The following CACNB4 variants were observed in gnomAD, a reference collection of about 807,000 sequenced individuals.
CACNB4 encodes voltage-dependent L-type calcium channel subunit beta-4.
In CACNB4, 32 loss-of-function variants were observed where a neutral mutation model predicts 71.2. That is an observed-to-expected ratio of 0.45 (90% CI 0.34 to 0.60). The LOEUF (loss-of-function observed/expected upper bound fraction) is 0.60. Ranked by LOEUF, CACNB4 falls within the 20% of genes least tolerant of loss-of-function variation. The pLI, the probability that CACNB4 is intolerant of heterozygous loss-of-function variation, is 0.01. For missense variants in CACNB4, 464 were observed against 647.9 expected (o/e 0.72, Z 3.08); for synonymous variants, 231 against 236.9 (o/e 0.97, Z 0.23).
chr2:152,088,112 C>T (rs908470113), intron 2 of CACNB4, among the ~76,000 whole-genome samples: 2 of 143,698 alleles, frequency 1.4e-5, no homozygotes, highest in African/African-American at 5.3e-5. Context: ...TTATGACATG[C>T]CTGAAAAAAA....
chr2:152,023,298 G>A (rs188334301), intron 2 of CACNB4, among the ~76,000 whole-genome samples: 77 of 152,200 alleles, frequency 5.1e-4, no homozygotes, highest in African/African-American at 1.7e-3. Context: ...GGGGATTATG[G>A]GGATTACAAT....
intron 2 of CACNB4, among the ~76,000 whole-genome samples, chr2:151,994,031 G>A (rs1035699734): frequency 6.6e-6 from 1 of 151,884 alleles, no homozygotes; most frequent in East Asian, 2.0e-4. Flanking sequence ...AATTAGCTGA[G>A]TATGGTGGTG....
intron 5 of CACNB4, chr2:151,874,906 A>C: frequency 2.5e-6 from 1 of 398,994 alleles, no homozygotes; most frequent in Non-Finnish European, 4.4e-6. Flanking sequence ...GTAGCTCACT[A>C]GAGGTTGATT....
intron 2 of CACNB4, among the ~76,000 whole-genome samples, chr2:151,998,989 C>T (rs1682235688): frequency 6.6e-6 from 1 of 152,168 alleles, no homozygotes; most frequent in South Asian, 2.1e-4. Flanking sequence ...ACCTTGGTGC[C>T]AATGTAGGGA....
At chr2:151,893,740 C>T (rs987887725) in intron 2 of CACNB4, among the ~76,000 whole-genome samples, 2 of 152,050 alleles carry the variant, frequency 1.3e-5, no homozygotes, top group Admixed American at 6.5e-5. Context: ...AATCTGACTA[C>T]ATAAAAATCT....
chr2:152,066,586 C>T (rs1389538926), intron 2 of CACNB4, among the ~76,000 whole-genome samples: 9 of 149,370 alleles, frequency 6.0e-5, no homozygotes, highest in East Asian at 2.0e-4. Context: ...GTCAGTGTGG[C>T]GATTCCTCAG....
intron 2 of CACNB4, among the ~76,000 whole-genome samples, chr2:151,999,907 C>T (rs138571159): frequency 1.3e-5 from 2 of 152,264 alleles, no homozygotes; most frequent in East Asian, 3.9e-4. Flanking sequence ...TAACACTTCC[C>T]ACCTACTTAC....
At chr2:152,023,570 G>A (rs1005010344) in intron 2 of CACNB4, among the ~76,000 whole-genome samples, 1 of 152,094 alleles carries the variant, frequency 6.6e-6, no homozygotes, top group Non-Finnish European at 1.5e-5. Context: ...AAGTAGCTGG[G>A]ATTACAGGCG....
At chr2:151,949,972 C>T (rs373569871) in intron 2 of CACNB4, among the ~76,000 whole-genome samples, 6 of 152,038 alleles carry the variant, frequency 3.9e-5, no homozygotes, top group African/African-American at 9.7e-5. Flanking sequence ...CACTTGAACC[C>T]GGGAGGTGGA....
chr2:151,895,627 C>A lies in CACNB4; in HGVS notation c.148-12257G>T, dbSNP rs138630918. On this transcript the variant is annotated intron_variant, in intron 2 of 13. Transcript: ENST00000539935. Reference sequence around the variant, plus strand: ...TTTTAAAAACAAAAACATTATAAATCTCTATATACCTATATATATTTGTAC... The same window carrying A: ...TTTTAAAAACAAAAACATTATAAATATCTATATACCTATATATATTTGTAC... Among the ~76,000 whole-genome samples, 50 of 151,900 alleles carry A rather than the reference C, an allele frequency of 3.3e-4. 1 individual carries two copies. Among genetic ancestry groups the A allele is most frequent in the Non-Finnish European group, 6.0e-4 (41 of 67,974 alleles).
chr2:152,098,541 C>A lies in CACNB4; in HGVS notation c.64-128G>T, dbSNP rs1482237011. 7.3e-7 allele frequency: 1 copy of A among 1,363,168 alleles called. No homozygotes were observed. The highest frequency in any genetic ancestry group is 1.0e-6 in the Non-Finnish European group (1 of 968,612). 84.4% of individuals were successfully genotyped at this position (1,363,168 alleles called of 1,614,324 possible). A position where few individuals can be genotyped will look rare whatever the true frequency, so the allele number is the denominator to read the frequency against. ...GGTCCCCTAGAGCCCGCACCCAAGT[C>A]TCCTCCGCGACTCCCAAATACAGCC... On this transcript the variant is annotated intron_variant, in intron 1 of 13. Transcript: ENST00000539935. The surrounding 1 kb of genome is among the most constrained non-coding windows in gnomAD (Gnocchi z 5.3).
intron 9 of CACNB4, chr2:151,868,378 T>G (rs2151397491): frequency 6.6e-6 from 1 of 152,356 alleles, no homozygotes; most frequent in South Asian, 2.1e-4. Context: ...ACATTTCTGA[T>G]AAATCTCAGG....
At chr2:151,994,602 C>A (rs779254953) in intron 2 of CACNB4, among the ~76,000 whole-genome samples, 1 of 152,160 alleles carries the variant, frequency 6.6e-6, no homozygotes, top group African/African-American at 2.4e-5. Context: ...ACCTCCACCT[C>A]CTGGGTTCAA....
At chr2:151,998,854 A>C (rs1682226838) in intron 2 of CACNB4, among the ~76,000 whole-genome samples, 2 of 152,146 alleles carry the variant, frequency 1.3e-5, no homozygotes, top group Non-Finnish European at 2.9e-5. Flanking sequence ...CAGGTCTCCC[A>C]ATGGATGTCT....
chr2:151,851,742 C>T (rs1423769991), intron 12 of CACNB4: 1 of 152,148 alleles, frequency 6.6e-6, no homozygotes, highest in Non-Finnish European at 1.5e-5. Context: ...AAATCTCTTG[C>T]ATTTGTAATT....
At chr2:151,854,941 G>T in intron 11 of CACNB4, 1 of 256,910 alleles carries the variant, frequency 3.9e-6, no homozygotes, top group East Asian at 7.1e-5. Context: ...TCTATGATAA[G>T]CCAGAGTCTA....
intron 2 of CACNB4, among the ~76,000 whole-genome samples, chr2:151,897,559 A>G (rs1305087578): frequency 6.6e-6 from 1 of 152,230 alleles, no homozygotes; most frequent in Non-Finnish European, 1.5e-5. Context: ...CTTGATTTAA[A>G]TAAGTCTGAC....
At chr2:152,009,799 C>T (rs1260492520) in intron 2 of CACNB4, among the ~76,000 whole-genome samples, 2 of 152,188 alleles carry the variant, frequency 1.3e-5, no homozygotes, top group Non-Finnish European at 2.9e-5. Flanking sequence ...GTCAGTTTGG[C>T]CTCCCTCTGC....
chr2:151,998,888 C>T (rs1682229058), intron 2 of CACNB4, among the ~76,000 whole-genome samples: 1 of 152,172 alleles, frequency 6.6e-6, no homozygotes, highest in South Asian at 2.1e-4. Flanking sequence ...GAGGGTGACC[C>T]ACCTCTCCAC....
Sources: allele counts gnomAD v4.1 joint callset (sites outside exome capture counted in the v4.1 genomes callset), GRCh38; gene constraint gnomAD v4.1.1; non-coding constraint Gnocchi (gnomAD v3.1); transcripts MANE v1.5; gene names NCBI Gene and HGNC (gene_info 2026-07-23, HGNC 2026-07-21).